Variants in TMEM245 observed in about 807,000 individuals in gnomAD.
The protein encoded by TMEM245 is protein CG-2.
TMEM245 carries 69 observed loss-of-function variants against 101.2 expected under a neutral mutation model. The observed-to-expected ratio is 0.68, with a 90% CI of 0.56 to 0.83. The LOEUF (loss-of-function observed/expected upper bound fraction) is 0.83, where lower values mean the gene tolerates loss of function less well. TMEM245 is among the 40% of genes least tolerant of loss of function. The pLI is 0.00. For synonymous variants in TMEM245, 537 were observed against 449.8 expected (o/e 1.19, Z -2.45); for missense variants, 1,075 against 1,092.8 (o/e 0.98, Z 0.23).
chr9:109,119,579 A>T lies in TMEM245; in HGVS notation c.335T>A (p.Leu112Gln). 1 of 1,545,572 alleles carries T rather than the reference A, an allele frequency of 6.5e-7. No homozygotes were observed. Among genetic ancestry groups the T allele is most frequent in the Non-Finnish European group, 8.7e-7 (1 of 1,150,158 alleles). The stretch of plus-strand genomic sequence containing the variant: ...GACGATGGGCGTGTGCGCGCGGTGC[A>T]GGCGCTGCAGCCAGTGGCGGCCCAG... ...TRLGRHWLQR[L>Q]HRAHTPIVLA... Residue 112 changes from leucine (L) to glutamine (Q), a missense_variant, in exon 1 of 18, where the codon CTG becomes CAG. This residue lies in a region of TMEM245 where 808 missense variants were observed against 741.5 expected (regional missense o/e 1.09). Transcript: ENST00000374586.
chr9:109,055,634 T>C (rs980684331), intron 12 of TMEM245, among the ~76,000 whole-genome samples: 4 of 147,760 alleles, frequency 2.7e-5, no homozygotes, highest in African/African-American at 1.0e-4. Context: ...GGTTTCTTTT[T>C]TTCTTTTTTT....
chr9:109,033,628 T>C, intron 16 of TMEM245, 127 bp from the exon 17 acceptor site: 1 of 812,268 alleles, frequency 1.2e-6, no homozygotes. Context: ...TTAGATCACC[T>C]CGATGCATAC....
Position 109,016,844 on chromosome 9 carries a change from T to C in TMEM245, c.*3616A>G, listed in dbSNP as rs1410299919. The C allele has an allele frequency of 1.3e-5, 2 of 152,224 alleles. No individual in the cohort carries two copies. Among genetic ancestry groups the C allele is most frequent in the Non-Finnish European group, 2.9e-5 (2 of 68,044 alleles). 9.4% of individuals were successfully genotyped at this position (152,224 alleles called of 1,614,324 possible). On this transcript the variant is annotated 3_prime_UTR_variant, in exon 18 of 18. Coordinates refer to ENST00000374586, the MANE Select transcript of TMEM245 (RefSeq NM_032012.4). ...ACTGTGAAATGCACACTCAAAGTCC[T>C]ATTGTAATATTATTTTAAGGGTCTT... is the stretch of plus-strand genomic sequence containing the variant.
Position 109,093,571 on chromosome 9 carries a change from C to A in TMEM245, c.820G>T (p.Val274Phe), listed in dbSNP as rs764750111. The A allele has an allele frequency of 1.9e-6, 3 of 1,614,056 alleles. No homozygotes were observed. The highest frequency in any genetic ancestry group is 4.5e-5 in the East Asian group (2 of 44,874). ...AGAGTAGAAGCTGCCATGGAGATAA[C>A]CTGCCCTGGTAACTCTGCCCCTGTA... ...ESSGAELPGQ[V>F]ISMAASTLAN... Residue 274 changes from valine to phenylalanine, a missense_variant, in exon 4 of 18, where the codon GTT becomes TTT. Val to Phe is a conservative substitution (Grantham distance 50). Coordinates refer to ENST00000374586, the MANE Select transcript of TMEM245 (RefSeq NM_032012.4).
intron 2 of TMEM245, among the ~76,000 whole-genome samples, chr9:109,107,429 AC>A (rs1490470212): frequency 6.7e-6 from 1 of 149,484 alleles, no homozygotes; most frequent in Non-Finnish European, 1.5e-5. Flanking sequence ...TTCACAAGTC[AC>A]CAAGAAACAG....
chr9:109,050,792 C>A (rs1828654455), intron 12 of TMEM245, 100 bp from the exon 13 acceptor site: 22 of 1,258,048 alleles, frequency 1.7e-5, no homozygotes, highest in Admixed American at 7.5e-5. Flanking sequence ...GTACCATGAA[C>A]TGAAAAGCTA....
Position 109,057,332 on chromosome 9 carries a change from A to G in TMEM245, c.1723-10T>C. On this transcript the variant is annotated splice_polypyrimidine_tract_variant and intron_variant, in intron 11 of 17. Transcript: ENST00000374586. ...CAGAGTGTGTTACATTCTATGGAAT[A>G]AAACAGTGCAGACATGAAATTCCCA... 1.2e-6 allele frequency: 2 copies of G among 1,610,898 alleles called. No homozygotes were observed. The highest frequency in any genetic ancestry group is 8.5e-7 in the Non-Finnish European group (1 of 1,178,226).
chr9:109,058,005 AT>A (rs545868479), intron 11 of TMEM245, among the ~76,000 whole-genome samples: 122 of 81,010 alleles, frequency 1.5e-3, no homozygotes, highest in East Asian at 5.6e-3. Flanking sequence ...TCCTTTCCTC[AT>A]TTTTTTTTTT....
At chr9:109,060,623 A>G (rs181020088) in intron 10 of TMEM245, among the ~76,000 whole-genome samples, 171 bp from the exon 11 acceptor site, 1 of 152,304 alleles carries the variant, frequency 6.6e-6, no homozygotes, top group East Asian at 1.9e-4. Flanking sequence ...TATTCCCAGT[A>G]AATTTCCTTT....
intron 9 of TMEM245, among the ~76,000 whole-genome samples, chr9:109,065,162 A>T (rs1416521654): frequency 6.6e-6 from 1 of 152,126 alleles, no homozygotes; most frequent in Non-Finnish European, 1.5e-5. Context: ...TTCTCTGTTC[A>T]CATGTCCTGA....
intron 17 of TMEM245, among the ~76,000 whole-genome samples, chr9:109,027,375 C>T (rs976707395): frequency 3.9e-5 from 6 of 151,964 alleles, no homozygotes; most frequent in African/African-American, 7.3e-5. Flanking sequence ...AAACAAAAAG[C>T]GTCTGAACTA....
At chr9:109,038,171 T>C in intron 14 of TMEM245, 54 bp from the exon 15 acceptor site, 1 of 1,422,566 alleles carries the variant, frequency 7.0e-7, no homozygotes, top group Non-Finnish European at 9.6e-7. Context: ...CATATCGTGA[T>C]TCAGAAAAAT....
chr9:109,036,771 A>G (rs1251372798), intron 15 of TMEM245, among the ~76,000 whole-genome samples: 2 of 152,336 alleles, frequency 1.3e-5, no homozygotes, highest in East Asian at 3.9e-4. Flanking sequence ...CCTCAGCATA[A>G]TAAAAATAAA....
At chr9:109,071,023 A>ACCCAAGAACCT (rs1829315476) in intron 9 of TMEM245, among the ~76,000 whole-genome samples, 1 of 152,084 alleles carries the variant, frequency 6.6e-6, no homozygotes, top group South Asian at 2.1e-4. Context: ...CTGGGATTAC[A>ACCCAAGAACCT]GGTGTGTGCC....
chr9:109,080,262 G>T (rs537707891), intron 8 of TMEM245, among the ~76,000 whole-genome samples: 2 of 151,982 alleles, frequency 1.3e-5, no homozygotes, highest in East Asian at 1.9e-4. Flanking sequence ...AAGTGGGGGG[G>T]AAATCTTGTC....
chr9:109,085,858 CAACCTTCCAT>C, intron 7 of TMEM245, 129 bp downstream of exon 7: 1 of 932,736 alleles, frequency 1.1e-6, no homozygotes, highest in Non-Finnish European at 1.7e-6. Flanking sequence ...TCATGCTTCA[CAACCTTCCAT>C]AGCTTATAAT....
In TMEM245 at chr9:109,119,677, G is replaced by A. The variant is rs766820291; in HGVS notation, c.237C>T (p.Ala79=). Residue 79 remains alanine (A), a synonymous_variant, in exon 1 of 18, where the codon GCC becomes GCT. Transcript: ENST00000374586. The part of the protein sequence containing the change: ...AAVLVYFILE[A]FLRPLLWAVL... Reference sequence around the variant, plus strand: ...CGGCCCAGAGCAGCGGCCGCAGGAAGGCCTCCAGGATGAAGTAGACCAGCA... The same window carrying A: ...CGGCCCAGAGCAGCGGCCGCAGGAAAGCCTCCAGGATGAAGTAGACCAGCA... 2.6e-6 allele frequency: 4 copies of A among 1,556,752 alleles called. No individual in the cohort carries two copies. Among genetic ancestry groups the A allele is most frequent in the South Asian group, 2.4e-5 (2 of 84,602 alleles).
intron 14 of TMEM245, among the ~76,000 whole-genome samples, chr9:109,045,159 T>G (rs1407277183): frequency 6.6e-6 from 1 of 152,210 alleles, no homozygotes; most frequent in African/African-American, 2.4e-5. Flanking sequence ...CTGTAGAACA[T>G]TAGAACTTAT....
intron 3 of TMEM245, among the ~76,000 whole-genome samples, chr9:109,100,686 T>C (rs965129940): frequency 6.6e-5 from 10 of 152,152 alleles, no homozygotes; most frequent in African/African-American, 2.2e-4. Flanking sequence ...GCTCCACTAG[T>C]CACCTGTGTG....
Sources: gnomAD v4.1 joint callset for allele counts (sites outside exome capture counted in the v4.1 genomes callset) on GRCh38, gnomAD v4.1.1 for gene constraint, gnomAD v4.1.1 regional missense constraint, MANE v1.5 for transcripts, NCBI Gene and HGNC (gene_info 2026-07-23, HGNC 2026-07-21) for gene names.